RBFOX1: variants seen among roughly 807,000 people sequenced by gnomAD.
RBFOX1 encodes RNA binding protein fox-1 homolog 1.
In RBFOX1, 8 loss-of-function variants were observed where a neutral mutation model predicts 57.7. That is an observed-to-expected ratio of 0.14 (90% CI 0.08 to 0.25). RBFOX1 has a LOEUF of 0.25. Ranked by LOEUF, RBFOX1 falls within the 10% of genes least tolerant of loss-of-function variation. The pLI, the probability that RBFOX1 is intolerant of heterozygous loss-of-function variation, is 1.00. For synonymous variants in RBFOX1, 326 were observed against 222.4 expected, an observed-to-expected ratio of 1.47 and a Z score of -4.15; for missense variants, 611 against 548.5, an observed-to-expected ratio of 1.11 and a Z score of -1.14.
chr16:6,203,622 C>T (rs2097231725), intron 1 of RBFOX1, among the ~76,000 whole-genome samples: 1 of 152,140 alleles, frequency 6.6e-6, no homozygotes, highest in Non-Finnish European at 1.5e-5. Context: ...GCAATCAAAA[C>T]CACAACAGGA....
In RBFOX1 at chr16:6,676,617, C is replaced by G. The variant is rs369307248; in HGVS notation, c.-16+21967C>G. Among the ~76,000 whole-genome samples the G allele has an allele frequency of 2.7e-5, 4 of 150,484 alleles. No homozygotes were observed. In the East Asian group the frequency reaches 7.8e-4, roughly 29 times the overall value. On this transcript the variant is annotated intron_variant, in intron 3 of 15. Coordinates refer to ENST00000550418, the MANE Select transcript of RBFOX1 (RefSeq NM_018723.4). ...GCTCGGAAAAAAGGATACCAGGAGC[C>G]TTTACAGATGTTATTCTCAACTTAC... is the stretch of plus-strand genomic sequence containing the variant.
chr16:7,528,728 A>C (rs910912909), intron 5 of RBFOX1, among the ~76,000 whole-genome samples: 1 of 152,184 alleles, frequency 6.6e-6, no homozygotes, highest in Admixed American at 6.5e-5. Flanking sequence ...ATTAGTCAAC[A>C]GTCATTTTAT....
At chr16:7,483,789 A>G (rs2064646852) in intron 4 of RBFOX1, among the ~76,000 whole-genome samples, 1 of 152,248 alleles carries the variant, frequency 6.6e-6, no homozygotes, top group African/African-American at 2.4e-5. Flanking sequence ...GGGAATAATT[A>G]AAATACTTTT....
chr16:5,863,728 C>T (rs1039156941), intron 3 of RBFOX1, among the ~76,000 whole-genome samples: 7 of 152,116 alleles, frequency 4.6e-5, no homozygotes, highest in Non-Finnish European at 8.8e-5. Context: ...ATGATTAATG[C>T]GGTATAGTTT....
chr16:5,759,029 A>G (rs1030027297), intron 3 of RBFOX1, among the ~76,000 whole-genome samples: 1 of 152,212 alleles, frequency 6.6e-6, no homozygotes, highest in East Asian at 1.9e-4. Flanking sequence ...GAGCAAATTC[A>G]TGAAACCTCC....
At chr16:5,605,261 C>T (rs111748207) in intron 3 of RBFOX1, among the ~76,000 whole-genome samples, 6 of 152,130 alleles carry the variant, frequency 3.9e-5, no homozygotes, top group Non-Finnish European at 7.3e-5. Flanking sequence ...CTTTGGCTTC[C>T]GTGTCTGTGA....
At chr16:6,515,835 G>A (rs2096366029) in intron 2 of RBFOX1, among the ~76,000 whole-genome samples, 1 of 151,930 alleles carries the variant, frequency 6.6e-6, no homozygotes, top group Non-Finnish European at 1.5e-5. Context: ...CCACCCTAAT[G>A]GCCTCTTGGG....
intron 3 of RBFOX1, among the ~76,000 whole-genome samples, chr16:7,007,681 T>G (rs1194765738): frequency 6.6e-6 from 1 of 152,162 alleles, no homozygotes; most frequent in Non-Finnish European, 1.5e-5. Flanking sequence ...TTTAACATGA[T>G]TTTGCATGTA....
intron 14 of RBFOX1, among the ~76,000 whole-genome samples, chr16:7,698,753 A>G (rs1426112188): frequency 2.6e-5 from 4 of 152,160 alleles, no homozygotes; most frequent in African/African-American, 9.7e-5. Context: ...TAATAGGGAA[A>G]GTACAGGGAG....
At chr16:5,565,096 C>T (rs2046018061) in intron 2 of RBFOX1, among the ~76,000 whole-genome samples, 1 of 152,150 alleles carries the variant, frequency 6.6e-6, no homozygotes, top group Non-Finnish European at 1.5e-5. Context: ...AAAATGGGAA[C>T]ACGTGGGGTT....
At chr16:6,741,584 G>T (rs949322587) in intron 3 of RBFOX1, among the ~76,000 whole-genome samples, 9 of 151,642 alleles carry the variant, frequency 5.9e-5, no homozygotes, top group Admixed American at 3.3e-4. Context: ...TAGGAGAATC[G>T]CTTGAACTGC....
intron 4 of RBFOX1, among the ~76,000 whole-genome samples, chr16:7,369,261 C>A (rs1363544147): frequency 6.6e-6 from 1 of 151,978 alleles, no homozygotes; most frequent in Non-Finnish European, 1.5e-5. Context: ...GATGTTCCTG[C>A]AGCTCTCGGG....
intron 3 of RBFOX1, among the ~76,000 whole-genome samples, chr16:5,621,710 T>C (rs1254022489): frequency 6.6e-6 from 1 of 152,186 alleles, no homozygotes; most frequent in Non-Finnish European, 1.5e-5. Flanking sequence ...GTGAGGATTC[T>C]CTCCAGGCAA....
In RBFOX1 at chr16:6,019,444, T is replaced by TGGGGAAACCCGAACTCGCGGA. The variant is rs2095025928; in HGVS notation, c.-668_-648dup. 2.0e-6 allele frequency: 2 copies of TGGGGAAACCCGAACTCGCGGA among 989,134 alleles called. No homozygotes were observed. Among genetic ancestry groups the TGGGGAAACCCGAACTCGCGGA allele is most frequent in the South Asian group, 4.7e-5 (1 of 21,274 alleles). The allele number at this position is 989,134 out of a possible 1,614,324, so 61.3% of individuals were successfully genotyped here. A position where few individuals can be genotyped will look rare whatever the true frequency, so the allele number is the denominator to read the frequency against. ...GACGGAGCCCAGGGGCCGCGTCGGG[T>TGGGGAAACCCGAACTCGCGGA]GGGGAAACCCGAACTCGCGGAGGGG... is the stretch of plus-strand genomic sequence containing the variant. On this transcript the variant is annotated 5_prime_UTR_variant, in exon 1 of 16. Transcript: ENST00000550418. This position sits in a 1 kb window ranked among gnomAD's most constrained non-coding sequence, Gnocchi z 4.2.
At chr16:6,772,824 T>G (rs1266606144) in intron 3 of RBFOX1, among the ~76,000 whole-genome samples, 1 of 148,670 alleles carries the variant, frequency 6.7e-6, no homozygotes. Flanking sequence ...TGCATTTGTG[T>G]GTATGTGAGT....
intron 2 of RBFOX1, among the ~76,000 whole-genome samples, chr16:6,634,795 C>T (rs1405674661): frequency 1.5e-5 from 2 of 135,922 alleles, no homozygotes; most frequent in Non-Finnish European, 3.0e-5. Flanking sequence ...CAAAGATATA[C>T]ATATATTTGT....
intron 2 of RBFOX1, among the ~76,000 whole-genome samples, chr16:6,512,488 C>T (rs1318422572): frequency 1.3e-5 from 2 of 152,008 alleles, no homozygotes; most frequent in African/African-American, 4.8e-5. Flanking sequence ...GGGACAAGTC[C>T]AGCATCAGAC....
intron 4 of RBFOX1, among the ~76,000 whole-genome samples, chr16:7,207,475 C>A (rs1463181845): frequency 6.6e-6 from 1 of 152,136 alleles, no homozygotes; most frequent in Admixed American, 6.5e-5. Context: ...TCCAGTGCAA[C>A]CCCCGGACTG....
At chr16:6,865,566 G>C (rs1407221777) in intron 3 of RBFOX1, among the ~76,000 whole-genome samples, 1 of 152,102 alleles carries the variant, frequency 6.6e-6, no homozygotes, top group Non-Finnish European at 1.5e-5. Context: ...AATACAATTT[G>C]TATTAATTGT....
Sources: gnomAD v4.1 joint callset for allele counts (sites outside exome capture counted in the v4.1 genomes callset) on GRCh38, gnomAD v4.1.1 for gene constraint, Gnocchi (gnomAD v3.1) non-coding constraint, MANE v1.5 for transcripts, NCBI Gene and HGNC (gene_info 2026-07-23, HGNC 2026-07-21) for gene names.